Variants in IL17RD observed in about 807,000 individuals in gnomAD.
IL17RD encodes the protein interleukin-17 receptor D.
A neutral mutation model predicts 80.5 loss-of-function variants in IL17RD; 52 were observed. The observed-to-expected ratio is 0.65, with a 90% CI of 0.52 to 0.81. IL17RD has a LOEUF of 0.81. IL17RD is among the 40% of genes least tolerant of loss of function. The probability of loss-of-function intolerance (pLI) is 0.00; values close to 1 mark genes in which losing one functional copy is unlikely to be tolerated. For missense variants in IL17RD, 1,024 were observed against 955.1 expected (o/e 1.07, Z -0.95); for synonymous variants, 416 against 391.8 (o/e 1.06, Z -0.73).
chr3:57,168,091 C>T (rs2060355545), upstream of IL17RD, among the ~76,000 whole-genome samples: 1 of 152,182 alleles, frequency 6.6e-6, no homozygotes, highest in Admixed American at 6.5e-5. Flanking sequence ...CTCAGCCTCA[C>T]AAAGTGCTAG....
At chr3:57,127,395 A>AATAAATATAT (rs1553625675) in intron 1 of IL17RD, among the ~76,000 whole-genome samples, 1 of 86,640 alleles carries the variant, frequency 1.2e-5, no homozygotes, top group African/African-American at 5.6e-5. Flanking sequence ...TAAATAAATA[A>AATAAATATAT]ATATATATAT....
At chr3:57,142,206 A>G (rs1288387298) in intron 1 of IL17RD, among the ~76,000 whole-genome samples, 1 of 152,220 alleles carries the variant, frequency 6.6e-6, no homozygotes, top group African/African-American at 2.4e-5. Flanking sequence ...TTACTGTTTT[A>G]TTAAACTATG....
At chr3:57,161,575 T>C (rs185336800) in intron 1 of IL17RD, among the ~76,000 whole-genome samples, 4 of 152,258 alleles carry the variant, frequency 2.6e-5, no homozygotes, top group African/African-American at 7.2e-5. Context: ...CCAGGGATAA[T>C]AGACCAGAGA....
chr3:57,108,508 G>GTTTTT (rs1559469762), intron 5 of IL17RD, among the ~76,000 whole-genome samples: 2 of 53,810 alleles, frequency 3.7e-5, no homozygotes, highest in African/African-American at 1.8e-4. Context: ...TTGATACATG[G>GTTTTT]CTTTTTTTTT....
chr3:57,157,502 C>T (rs2060276032), intron 1 of IL17RD, among the ~76,000 whole-genome samples: 1 of 152,204 alleles, frequency 6.6e-6, no homozygotes, highest in African/African-American at 2.4e-5. Context: ...CTCCTCACTC[C>T]AAATAAGTCT....
chr3:57,163,785 C>CGGG (rs57632395), intron 1 of IL17RD, among the ~76,000 whole-genome samples: 6 of 15,948 alleles, frequency 3.8e-4, no homozygotes, highest in East Asian at 2.0e-3. Context: ...CCTAATGGGG[C>CGGG]GGGGGGGCGG....
At chr3:57,145,472 T>G (rs766399839) in intron 1 of IL17RD, among the ~76,000 whole-genome samples, 1 of 152,084 alleles carries the variant, frequency 6.6e-6, no homozygotes, top group Non-Finnish European at 1.5e-5. Flanking sequence ...CAGGCCACAT[T>G]TTGCAAAAAT....
At chr3:57,164,061 T>C (rs1200237427) in intron 1 of IL17RD, among the ~76,000 whole-genome samples, 1 of 152,188 alleles carries the variant, frequency 6.6e-6, no homozygotes, top group Admixed American at 6.5e-5. Context: ...AACCACTCCA[T>C]ACCTATCCCT....
chr3:57,153,503 A>C (rs1222149645), intron 1 of IL17RD, among the ~76,000 whole-genome samples: 2 of 152,248 alleles, frequency 1.3e-5, no homozygotes, highest in Non-Finnish European at 2.9e-5. Flanking sequence ...GTATTAAAGG[A>C]GGCTAAAGAG....
chr3:57,129,353 A>G (rs2107512390), intron 1 of IL17RD, among the ~76,000 whole-genome samples: 1 of 152,342 alleles, frequency 6.6e-6, no homozygotes, highest in Non-Finnish European at 1.5e-5. Flanking sequence ...TGATTAGACA[A>G]TAGAGGAAAA....
In IL17RD at chr3:57,104,788, A is replaced by G. The variant is rs1051531332; in HGVS notation, c.748-381T>C. ...TTTTAACATGAGCAGGAGGTCAAAG[A>G]CCTTGATAGAGATGAGAGCCAGCAA... On this transcript the variant is annotated intron_variant, in intron 7 of 12. Transcript: ENST00000296318. Among the ~76,000 whole-genome samples the G allele has an allele frequency of 4.6e-5, 7 of 152,290 alleles. 1 individual carries two copies. The South Asian group carries it at 1.5e-3, about 32-fold the overall frequency.
chr3:57,169,225 G>T (rs1440659970), upstream of IL17RD: 1 of 518,518 alleles, frequency 1.9e-6, no homozygotes, highest in Non-Finnish European at 3.9e-6. Context: ...ACAACACTTG[G>T]TCTCACCTGC....
chr3:57,124,307 G>A (rs905067308), intron 1 of IL17RD, among the ~76,000 whole-genome samples: 1 of 152,144 alleles, frequency 6.6e-6, no homozygotes, highest in Non-Finnish European at 1.5e-5. Flanking sequence ...CAGAACCTGT[G>A]AGTATGCTAT....
chr3:57,169,772 G>A (rs1376851674), upstream of IL17RD, among the ~76,000 whole-genome samples: 1 of 152,212 alleles, frequency 6.6e-6, no homozygotes. Context: ...GAGGGTGCAA[G>A]GTTTCCCAGG....
At chr3:57,140,805 C>G (rs1707813843) in intron 1 of IL17RD, among the ~76,000 whole-genome samples, 1 of 152,028 alleles carries the variant, frequency 6.6e-6, no homozygotes, top group African/African-American at 2.4e-5. Context: ...AAGTAATATT[C>G]TAGGAAACAG....
At chr3:57,135,080 C>T (rs1193954953) in intron 1 of IL17RD, among the ~76,000 whole-genome samples, 1 of 152,146 alleles carries the variant, frequency 6.6e-6, no homozygotes, top group East Asian at 1.9e-4. Flanking sequence ...TACCCTCCAG[C>T]CTGGGCAACA....
chr3:57,134,333 C>A, intron 1 of IL17RD: 1 of 690,536 alleles, frequency 1.4e-6, no homozygotes, highest in Non-Finnish European at 2.7e-6. Flanking sequence ...GCCGGGAAAA[C>A]ACCTTGGCCC....
chr3:57,153,809 A>G (rs1309501976), intron 1 of IL17RD, among the ~76,000 whole-genome samples: 1 of 152,180 alleles, frequency 6.6e-6, no homozygotes, highest in Non-Finnish European at 1.5e-5. Context: ...CATTATATAC[A>G]TACATTTTAC....
chr3:57,090,323 A>C lies in IL17RD; in HGVS notation c.*6070T>G, dbSNP rs957084785. The C allele has an allele frequency of 1.3e-5, 2 of 152,408 alleles. No individual in the cohort carries two copies. Among genetic ancestry groups the C allele is most frequent in the Non-Finnish European group, 2.9e-5 (2 of 68,062 alleles). 9.4% of individuals were successfully genotyped at this position (152,408 alleles called of 1,614,324 possible). A position where few individuals can be genotyped will look rare whatever the true frequency, so the allele number is the denominator to read the frequency against. ...TAAAAATAGGAGTTACTTACTATCT[A>C]GATGAACACAATTGGTTTTCACAAA... On this transcript the variant is annotated 3_prime_UTR_variant, in exon 13 of 13. Transcript: ENST00000296318.
Sources: gnomAD v4.1 joint callset for allele counts (sites outside exome capture counted in the v4.1 genomes callset) on GRCh38, gnomAD v4.1.1 for gene constraint, MANE v1.5 for transcripts, NCBI Gene and HGNC (gene_info 2026-07-23, HGNC 2026-07-21) for gene names.